Variants in RIMS2 observed in about 807,000 individuals in gnomAD.
The protein encoded by RIMS2 is regulating synaptic membrane exocytosis protein 2.
RIMS2 carries 59 observed loss-of-function variants against 174.4 expected under a neutral mutation model. That is an observed-to-expected ratio of 0.34 (90% CI 0.27 to 0.42). RIMS2 has a LOEUF of 0.42. Ranked by LOEUF, RIMS2 falls within the 10% of genes least tolerant of loss-of-function variation. The pLI is 1.00. For synonymous variants in RIMS2, 606 were observed against 572.5 expected (o/e 1.06, Z -0.84); for missense variants, 1,620 against 1,666.3 (o/e 0.97, Z 0.48).
chr8:104,024,116 A>G (rs191722226), intron 19 of RIMS2, among the ~76,000 whole-genome samples: 118 of 152,312 alleles, frequency 7.7e-4, no homozygotes, highest in African/African-American at 2.7e-3. Context: ...GGAAGAAAAG[A>G]AAAATATCTA....
In RIMS2 at chr8:103,626,828, AG is replaced by A. The variant is rs201018670; in HGVS notation, c.177-70251del. On this transcript the variant is annotated intron_variant, in intron 1 of 23. Coordinates refer to ENST00000504942, the Ensembl canonical transcript of RIMS2. ...TTTTTATTAGGGATTTTAAAAGGGG[AG>A]GGGGGGTGTACAAACAGGAAGTAGG... is the stretch of plus-strand genomic sequence containing the variant. Among the ~76,000 whole-genome samples, 42 of 151,904 alleles carry A rather than the reference AG, an allele frequency of 2.8e-4. 1 individual carries two copies. The highest frequency in any genetic ancestry group is 2.3e-3 in the Admixed American group (35 of 15,266).
chr8:103,892,739 A>T (rs577331853), intron 4 of RIMS2, among the ~76,000 whole-genome samples: 1 of 152,058 alleles, frequency 6.6e-6, no homozygotes, highest in Admixed American at 6.6e-5. Flanking sequence ...ATAACTCCTG[A>T]CCTCAGGTAA....
At chr8:103,601,987 ATTT>A (rs1186316040) in intron 1 of RIMS2, among the ~76,000 whole-genome samples, 1 of 151,722 alleles carries the variant, frequency 6.6e-6, no homozygotes, top group African/African-American at 2.4e-5. Flanking sequence ...TTATTTATTT[ATTT>A]TTTTGAGATG....
intron 3 of RIMS2, among the ~76,000 whole-genome samples, chr8:103,787,731 A>T (rs1183355415): frequency 3.9e-5 from 6 of 152,112 alleles, no homozygotes; most frequent in African/African-American, 1.2e-4. Flanking sequence ...TACTTTGGTG[A>T]ATCTGACAAT....
At chr8:103,768,442 T>C (rs2098206311) in intron 3 of RIMS2, 2 of 768,998 alleles carry the variant, frequency 2.6e-6, no homozygotes, top group African/African-American at 1.7e-5. Flanking sequence ...TAATCAGTGG[T>C]GGGAATGACA....
At position 103,916,562 on chromosome 8, in the gene RIMS2, T is replaced by C. The variant is rs377664534; in HGVS notation, c.2036+25T>C. ...GGTAAGTTGGTTTCAGTATTTTATA[T>C]GTGTGTGAAGTTGAATAGTGTTAAA... On this transcript the variant is annotated intron_variant, in intron 8 of 23. Coordinates refer to ENST00000504942, the Ensembl canonical transcript of RIMS2. 3.8e-6 allele frequency: 6 copies of C among 1,582,372 alleles called. No individual in the cohort carries two copies. The African/African-American group carries it at 6.8e-5, about 18-fold the overall frequency.
At chr8:103,951,439 G>C (rs994190689) in intron 14 of RIMS2, among the ~76,000 whole-genome samples, 1 of 152,216 alleles carries the variant, frequency 6.6e-6, no homozygotes, top group African/African-American at 2.4e-5. Context: ...CTGCTTGGAA[G>C]TGGGTGCAGC....
intron 4 of RIMS2, among the ~76,000 whole-genome samples, chr8:103,907,296 A>T (rs1337808731): frequency 6.6e-6 from 1 of 152,030 alleles, no homozygotes; most frequent in Admixed American, 6.6e-5. Flanking sequence ...CTACTTTTTT[A>T]CTTCCCTTGG....
At chr8:103,547,917 T>C (rs1416799676) in intron 1 of RIMS2, among the ~76,000 whole-genome samples, 1 of 152,028 alleles carries the variant, frequency 6.6e-6, no homozygotes, top group Non-Finnish European at 1.5e-5. Flanking sequence ...TTAGAAGAAA[T>C]GGCTAGATTT....
intron 19 of RIMS2, among the ~76,000 whole-genome samples, chr8:104,228,704 T>A (rs1319850913): frequency 1.3e-5 from 2 of 152,220 alleles, no homozygotes; most frequent in Non-Finnish European, 2.9e-5. Context: ...GTGATCATAG[T>A]TTTTACCCAT....
At chr8:103,915,716 C>G in intron 7 of RIMS2, 122 bp downstream of exon 10, 1 of 464,270 alleles carries the variant, frequency 2.2e-6, no homozygotes, top group Non-Finnish European at 3.8e-6. Context: ...AGATATAAAT[C>G]TCTATTCATT....
intron 19 of RIMS2, among the ~76,000 whole-genome samples, chr8:104,161,009 A>C (rs2098757575): frequency 6.6e-6 from 1 of 152,096 alleles, no homozygotes; most frequent in Admixed American, 6.6e-5. Flanking sequence ...ACTTCTCTCA[A>C]TCTCCATTTT....
At chr8:104,197,860 C>T (rs760414240) in intron 19 of RIMS2, among the ~76,000 whole-genome samples, 1 of 151,906 alleles carries the variant, frequency 6.6e-6, no homozygotes, top group Non-Finnish European at 1.5e-5. Context: ...AAGGGTGTCC[C>T]TAAGGCTAGC....
At chr8:104,121,403 A>G (rs1478974730) in intron 19 of RIMS2, among the ~76,000 whole-genome samples, 1 of 152,150 alleles carries the variant, frequency 6.6e-6, no homozygotes, top group African/African-American at 2.4e-5. Flanking sequence ...ATATCCTAGC[A>G]TGTGGTATAT....
At chr8:104,159,283 G>A (rs2098745704) in intron 19 of RIMS2, among the ~76,000 whole-genome samples, 1 of 152,156 alleles carries the variant, frequency 6.6e-6, no homozygotes, top group Non-Finnish European at 1.5e-5. Context: ...GTACCATGCT[G>A]TTTTGGTTAC....
At chr8:104,099,338 AG>A (rs1311154865) in intron 19 of RIMS2, among the ~76,000 whole-genome samples, 1 of 152,184 alleles carries the variant, frequency 6.6e-6, no homozygotes, top group Non-Finnish European at 1.5e-5. Flanking sequence ...TCCTCCACCA[AG>A]TATTACCTGT....
chr8:103,558,194 G>GA (rs896064582), intron 1 of RIMS2, among the ~76,000 whole-genome samples: 13 of 151,570 alleles, frequency 8.6e-5, no homozygotes, highest in East Asian at 3.9e-4. Flanking sequence ...GACAAAAGAG[G>GA]AAAAAAAAGA....
chr8:104,108,151 T>C (rs548729372), intron 19 of RIMS2, among the ~76,000 whole-genome samples: 1 of 152,314 alleles, frequency 6.6e-6, no homozygotes, highest in East Asian at 1.9e-4. Context: ...AGAATTCTCT[T>C]TACACTTTTC....
rs147582338 is a variant in RIMS2 at position 103,768,021 on chromosome 8, CACTT to C, written c.698+1487_698+1490del. 1.1e-4 allele frequency among the ~76,000 whole-genome samples: 16 copies of C among 152,254 alleles called. No homozygotes were observed. In the East Asian group the frequency reaches 3.1e-3, roughly 29 times the overall value. ...AAGCACTCAGGCAGAGTGTAACAAA[CACTT>C]ACAGTCAGCAGATTTTGCTATGTAG... On this transcript the variant is annotated intron_variant, in intron 3 of 23. Coordinates refer to ENST00000504942, the Ensembl canonical transcript of RIMS2.
Sources: allele counts gnomAD v4.1 joint callset (sites outside exome capture counted in the v4.1 genomes callset), GRCh38; gene constraint gnomAD v4.1.1; transcripts MANE v1.5; gene names NCBI Gene and HGNC (gene_info 2026-07-23, HGNC 2026-07-21).